LGALS3BP: variants seen among roughly 807,000 people sequenced by gnomAD.
LGALS3BP encodes galectin-3-binding protein.
In LGALS3BP, 25 loss-of-function variants were observed where a neutral mutation model predicts 22.9. The ratio of observed to expected loss-of-function variants is 1.09; its 90% CI spans 0.80 to 1.53. LGALS3BP has a LOEUF of 1.53. Among genes scored for constraint, LGALS3BP ranks in the 40% most tolerant of loss-of-function variants. The pLI is 0.00. For missense variants in LGALS3BP, 718 were observed against 752.0 expected, an observed-to-expected ratio of 0.95 and a Z score of 0.53; for synonymous variants, 335 against 331.1, an observed-to-expected ratio of 1.01 and a Z score of -0.13.
rs1599199947 is a variant in LGALS3BP at position 78,971,377 on chromosome 17, G to A, written c.*199C>T. ...TGGTGCTTACCACCTGGAAACTGGTGAGGTGGTGGGAGAACTCCTGGTGGA... is the reference window on the plus strand; with the variant it reads ...TGGTGCTTACCACCTGGAAACTGGTAAGGTGGTGGGAGAACTCCTGGTGGA... On this transcript the variant is annotated 3_prime_UTR_variant, in exon 6 of 6. Coordinates refer to ENST00000262776, the MANE Select transcript of LGALS3BP (RefSeq NM_005567.4). This position sits in a 1 kb window ranked among gnomAD's most constrained non-coding sequence, Gnocchi z 5.6. 1.7e-6 allele frequency: 1 copy of A among 589,396 alleles called. No individual in the cohort carries two copies. The allele number at this position is 589,396 out of a possible 1,614,324, so 36.5% of individuals were successfully genotyped here. A position where few individuals can be genotyped will look rare whatever the true frequency, so the allele number is the denominator to read the frequency against.
At position 78,976,087 on chromosome 17, in the gene LGALS3BP, T is replaced by C; in HGVS notation, c.122A>G (p.Tyr41Cys). Residue 41 changes from tyrosine (Y) to cysteine (C), a missense_variant, in exon 3 of 6, where the codon TAC becomes TGC. By Grantham distance (194) the Tyr-to-Cys change is radical. Transcript: ENST00000262776. The surrounding 1 kb of genome is among the most constrained non-coding windows in gnomAD (Gnocchi z 4.6). ...ATNQGRVEIFYRGQWGTVCDN... is the reference protein window; with the variant it reads ...ATNQGRVEIFCRGQWGTVCDN... Reference sequence around the variant, plus strand: ...ACACACAGTGCCCCACTGGCCTCTGTAGAAGATCTCCACGCGGCCCTGGTT... The same window carrying C: ...ACACACAGTGCCCCACTGGCCTCTGCAGAAGATCTCCACGCGGCCCTGGTT... 1 of 1,609,522 alleles carries C rather than the reference T, an allele frequency of 6.2e-7. No homozygotes were observed. Among genetic ancestry groups the C allele is most frequent in the African/African-American group, 1.3e-5 (1 of 74,958 alleles).
Position 78,972,584 on chromosome 17 carries a change from G to A in LGALS3BP, c.750C>T (p.Leu250=), listed in dbSNP as rs992118941. The change falls in exon 6 of 6, where the codon CTC becomes CTT. Residue 250 remains leucine (L), a synonymous_variant. Coordinates refer to ENST00000262776, the MANE Select transcript of LGALS3BP (RefSeq NM_005567.4). The surrounding 1 kb of genome is among the most constrained non-coding windows in gnomAD (Gnocchi z 5.1). ...QGYCASLFAI[L]LPQDPSFQMP... is the part of the protein sequence containing the mutation. ...TCTGGAACGAGGGGTCCTGGGGGAG[G>A]AGGATGGCAAAGAGGCTTGCGCAGT... 12 of 1,599,494 alleles carry A rather than the reference G, an allele frequency of 7.5e-6. No individual in the cohort carries two copies. Among genetic ancestry groups the A allele is most frequent in the Non-Finnish European group, 9.4e-6 (11 of 1,170,686 alleles).
Position 78,971,814 on chromosome 17 carries a change from G to A in LGALS3BP, c.1520C>T (p.Thr507Ile). The change falls in exon 6 of 6, where the codon ACC becomes ATC. Residue 507 changes from threonine (T) to isoleucine (I), a missense_variant. Physicochemically the swap from Thr to Ile is moderately conservative, Grantham distance 89. Transcript: ENST00000262776. The surrounding 1 kb of genome is among the most constrained non-coding windows in gnomAD (Gnocchi z 5.6). ...SSDELPVLGL[T>I]KSGGSDRTIA... ...GGTGCGATCTGAGCCGCCAGACTTG[G>A]TGAGGCCCAGGACAGGGAGCTCGTC... The A allele has an allele frequency of 1.2e-6, 2 of 1,614,154 alleles. No individual in the cohort carries two copies. The highest frequency in any genetic ancestry group is 2.7e-5 in the African/African-American group (2 of 75,042).
rs926935163 is a variant in LGALS3BP at position 78,971,328 on chromosome 17, C to T, written c.*248G>A. The stretch of plus-strand genomic sequence containing the variant: ...GACTGACCAGGGGCTGTGGGGGGAT[C>T]CCAGAGCAACCTCGAGGGCGTCCTG... On this transcript the variant is annotated 3_prime_UTR_variant, in exon 6 of 6. Transcript: ENST00000262776. The surrounding 1 kb of genome is among the most constrained non-coding windows in gnomAD (Gnocchi z 5.6). 6 of 548,208 alleles carry T rather than the reference C, an allele frequency of 1.1e-5. No homozygotes were observed. The highest frequency in any genetic ancestry group is 2.0e-5 in the Non-Finnish European group (6 of 307,506). 34.0% of individuals were successfully genotyped at this position (548,208 alleles called of 1,614,324 possible). A position where few individuals can be genotyped will look rare whatever the true frequency, so the allele number is the denominator to read the frequency against.
Position 78,973,297 on chromosome 17 carries a change from T to C in LGALS3BP, c.377-75A>G, listed in dbSNP as rs767711077. 4 of 1,416,752 alleles carry C rather than the reference T, an allele frequency of 2.8e-6. No individual in the cohort carries two copies. In the African/African-American group the frequency reaches 4.3e-5, roughly 15 times the overall value. 87.8% of individuals were successfully genotyped at this position (1,416,752 alleles called of 1,614,324 possible). The stretch of plus-strand genomic sequence containing the variant: ...CCACTCTCTGGGGTCAGTGTCTTCA[T>C]CTGAAAGTGAGGGATTTGTGGCTGC... On this transcript the variant is annotated intron_variant, in intron 4 of 5. Transcript: ENST00000262776. The surrounding 1 kb of genome is among the most constrained non-coding windows in gnomAD (Gnocchi z 5.8).
Position 78,976,293 on chromosome 17 carries a change from G to C in LGALS3BP, c.53-137C>G, listed in dbSNP as rs1365967891. On this transcript the variant is annotated intron_variant, in intron 2 of 5. Coordinates refer to ENST00000262776, the MANE Select transcript of LGALS3BP (RefSeq NM_005567.4). This position sits in a 1 kb window ranked among gnomAD's most constrained non-coding sequence, Gnocchi z 4.6. ...CTTCAAGGTCCCCTGGCCTCTCCAT[G>C]AGGGGCACCTCCATGAGGGAGGAGT... is the stretch of plus-strand genomic sequence containing the variant. The C allele has an allele frequency of 1.4e-6, 1 of 718,126 alleles. No homozygotes were observed. The highest frequency in any genetic ancestry group is 1.8e-5 in the African/African-American group (1 of 55,576). The allele number at this position is 718,126 out of a possible 1,614,324, so 44.5% of individuals were successfully genotyped here.
chr17:78,978,387 C>T lies in LGALS3BP; in HGVS notation c.-23-1173G>A, dbSNP rs188634393. 4.6e-5 allele frequency among the ~76,000 whole-genome samples: 7 copies of T among 152,340 alleles called. No homozygotes were observed. The South Asian group carries it at 1.4e-3, about 32-fold the overall frequency. Reference sequence around the variant, plus strand: ...ACCCCTTGTCGGGGCTCCCCGGGCACCACTGGAGGCCTTACCGTGACCCTG... The same window carrying T: ...ACCCCTTGTCGGGGCTCCCCGGGCATCACTGGAGGCCTTACCGTGACCCTG... On this transcript the variant is annotated intron_variant, in intron 1 of 5. Coordinates refer to ENST00000262776, the MANE Select transcript of LGALS3BP (RefSeq NM_005567.4).
Position 78,976,218 on chromosome 17 carries a change from A to G in LGALS3BP, c.53-62T>C, listed in dbSNP as rs1021426047. On this transcript the variant is annotated intron_variant, in intron 2 of 5. Coordinates refer to ENST00000262776, the MANE Select transcript of LGALS3BP (RefSeq NM_005567.4). This position sits in a 1 kb window ranked among gnomAD's most constrained non-coding sequence, Gnocchi z 4.6. ...TGCAGCACCCACCGCCCACACCTCC[A>G]GGCCCCATATGCTGTCCTGGGTCTC... The G allele has an allele frequency of 2.8e-6, 4 of 1,420,798 alleles. No homozygotes were observed. Among genetic ancestry groups the G allele is most frequent in the Non-Finnish European group, 3.8e-6 (4 of 1,058,014 alleles). 88.0% of individuals were successfully genotyped at this position (1,420,798 alleles called of 1,614,324 possible).
At chr17:78,979,072 AAGG>A (rs754889420) in intron 1 of LGALS3BP, among the ~76,000 whole-genome samples, 54 of 31,790 alleles carry the variant, frequency 1.7e-3, no homozygotes, top group African/African-American at 2.3e-3. Flanking sequence ...TCAAAAAAAA[AAGG>A]GGGGGGGGCA....
rs372154502 is a variant in LGALS3BP at position 78,971,729 on chromosome 17, G to A, written c.1605C>T (p.Thr535=). 7.6e-5 allele frequency: 122 copies of A among 1,614,064 alleles called. No homozygotes were observed. Among genetic ancestry groups the A allele is most frequent in the East Asian group, 4.2e-4 (19 of 44,874 alleles). The stretch of plus-strand genomic sequence containing the variant: ...TCGCAGCCTTCCAGCCCTCGAAATC[G>A]GTGACGTCTGCCACGAAGAGCCCTT... ...LCEGLFVADV[T]DFEGWKAAIP... is the part of the protein sequence containing the mutation. The change falls in exon 6 of 6, where the codon ACC becomes ACT. Residue 535 remains threonine (T), a synonymous_variant. Coordinates refer to ENST00000262776, the MANE Select transcript of LGALS3BP (RefSeq NM_005567.4). The surrounding 1 kb of genome is among the most constrained non-coding windows in gnomAD (Gnocchi z 5.6).
At position 78,972,984 on chromosome 17, in the gene LGALS3BP, GACCATGGGC is replaced by G. The variant is rs1283775600; in HGVS notation, c.606_614del (p.Pro203_Val205del). ...AGACGGCTCACCTGAGAAGGTCCCT[GACCATGGGC>G]ACACACTCAGCATCCACACTCATGG... On this transcript the variant is annotated inframe_deletion, in exon 5 of 6. Coordinates refer to ENST00000262776, the MANE Select transcript of LGALS3BP (RefSeq NM_005567.4). The surrounding 1 kb of genome is among the most constrained non-coding windows in gnomAD (Gnocchi z 5.1). 4.4e-6 allele frequency: 7 copies of G among 1,607,782 alleles called. No homozygotes were observed. The highest frequency in any genetic ancestry group is 6.0e-6 in the Non-Finnish European group (7 of 1,175,262).
rs1317518229 is a variant in LGALS3BP, at chr17:78,976,995, C to T, written c.52+145G>A. ...TCCAAGTCATCATCACTGGGGATAC[C>T]TGGTGCTTCAAGCAGGAGAGAAGAT... is the stretch of plus-strand genomic sequence containing the variant. On this transcript the variant is annotated intron_variant, in intron 2 of 5. Transcript: ENST00000262776. This position sits in a 1 kb window ranked among gnomAD's most constrained non-coding sequence, Gnocchi z 4.6. The T allele has an allele frequency of 3.7e-6, 3 of 801,934 alleles. No homozygotes were observed. The highest frequency in any genetic ancestry group is 5.3e-5 in the East Asian group (2 of 37,510). The allele number at this position is 801,934 out of a possible 1,614,324, so 49.7% of individuals were successfully genotyped here.
chr17:78,975,553 G>A lies in LGALS3BP; in HGVS notation c.244+412C>T, dbSNP rs1158642291. On this transcript the variant is annotated intron_variant, in intron 3 of 5. Transcript: ENST00000262776. ...TGTGGTAATCCCAGCACTTTGGGAG[G>A]CTGAGGCGGGCGGATCACTTGACAC... Among the ~76,000 whole-genome samples the A allele has an allele frequency of 4.6e-5, 7 of 152,100 alleles. 1 individual carries two copies. Among genetic ancestry groups the A allele is most frequent in the Admixed American group, 3.9e-4 (6 of 15,274 alleles).
At chr17:78,974,178 G>A (rs1381232321) in intron 4 of LGALS3BP, among the ~76,000 whole-genome samples, 1 of 152,256 alleles carries the variant, frequency 6.6e-6, no homozygotes, top group Non-Finnish European at 1.5e-5. Context: ...GCAAGCCCAG[G>A]AAGAGCCACC....
chr17:78,976,189 G>A lies in LGALS3BP; in HGVS notation c.53-33C>T. 1.3e-6 allele frequency: 2 copies of A among 1,521,074 alleles called. No homozygotes were observed. The highest frequency in any genetic ancestry group is 8.8e-7 in the Non-Finnish European group (1 of 1,131,452). 94.2% of individuals were successfully genotyped at this position (1,521,074 alleles called of 1,614,324 possible). A position where few individuals can be genotyped will look rare whatever the true frequency, so the allele number is the denominator to read the frequency against. On this transcript the variant is annotated intron_variant, in intron 2 of 5. Coordinates refer to ENST00000262776, the MANE Select transcript of LGALS3BP (RefSeq NM_005567.4). This position sits in a 1 kb window ranked among gnomAD's most constrained non-coding sequence, Gnocchi z 4.6. Reference sequence around the variant, plus strand: ...CAGAGACCAGCGAGGGCGAGGCTGGGGCCTGCAGCACCCACCGCCCACACC... The same window carrying A: ...CAGAGACCAGCGAGGGCGAGGCTGGAGCCTGCAGCACCCACCGCCCACACC...
rs200693132 is a variant in LGALS3BP, at chr17:78,971,755, C to A, written c.1579G>T (p.Glu527Ter). Residue 527 changes from glutamate (E) to a stop codon, truncating the protein, a stop_gained, in exon 6 of 6, where the codon GAA becomes TAA. Coordinates refer to ENST00000262776, the MANE Select transcript of LGALS3BP (RefSeq NM_005567.4). LOFTEE classifies it low-confidence loss of function (END_TRUNC). This position sits in a 1 kb window ranked among gnomAD's most constrained non-coding sequence, Gnocchi z 5.6. ...GTGACGTCTGCCACGAAGAGCCCTT[C>A]GCAGAGCATCAGGGCTTTGTTTTCG... The part of the protein sequence containing the change: ...AYENKALMLC[E>*]GLFVADVTDF... 1 of 1,614,062 alleles carries A rather than the reference C, an allele frequency of 6.2e-7. No individual in the cohort carries two copies. Among genetic ancestry groups the A allele is most frequent in the Admixed American group, 1.7e-5 (1 of 60,030 alleles).
intron 1 of LGALS3BP, among the ~76,000 whole-genome samples, chr17:78,979,158 G>T (rs1389753088): frequency 1.3e-5 from 2 of 152,166 alleles, no homozygotes; most frequent in Non-Finnish European, 2.9e-5. Flanking sequence ...CCTTCATACA[G>T]TTGAGACCCG....
intron 1 of LGALS3BP, among the ~76,000 whole-genome samples, chr17:78,978,060 G>GGT (rs2070735686): frequency 6.6e-6 from 1 of 152,162 alleles, no homozygotes; most frequent in Admixed American, 6.5e-5. Flanking sequence ...TCTCTGGCTC[G>GGT]GTAAGAATCC....
intron 1 of LGALS3BP, 82 bp downstream of exon 1, chr17:78,979,742 C>T (rs990522858): frequency 6.6e-6 from 1 of 151,980 alleles, no homozygotes; most frequent in East Asian, 1.9e-4. Context: ...CAGAGTGAGA[C>T]CCTGTCTCAA....
Sources: gnomAD v4.1 joint callset for allele counts (sites outside exome capture counted in the v4.1 genomes callset) on GRCh38, gnomAD v4.1.1 for gene constraint, Gnocchi (gnomAD v3.1) non-coding constraint, MANE v1.5 for transcripts, NCBI Gene and HGNC (gene_info 2026-07-23, HGNC 2026-07-21) for gene names.